MAU2: variants seen among roughly 807,000 people sequenced by gnomAD.
MAU2 encodes the protein MAU2 sister chromatid cohesion factor, also known as MAU2 chromatid cohesion factor homolog.
A neutral mutation model predicts 89.1 loss-of-function variants in MAU2; 9 were observed. The ratio of observed to expected loss-of-function variants is 0.10; its 90% CI spans 0.06 to 0.18. MAU2 has a LOEUF of 0.18. Among genes scored for constraint, MAU2 ranks in the 10% least tolerant of loss-of-function variants. MAU2 has a pLI of 1.00. For missense variants in MAU2, 425 were observed against 803.5 expected (o/e 0.53, Z 5.69); for synonymous variants, 357 against 343.4 (o/e 1.04, Z -0.44).
chr19:19,341,129 T>C (rs2061641814), intron 6 of MAU2, 123 bp from the exon 7 acceptor site: 6 of 1,218,786 alleles, frequency 4.9e-6, no homozygotes, highest in Non-Finnish European at 6.8e-6. Flanking sequence ...GGTTTCAGGC[T>C]GGCCTTGCCC....
chr19:19,338,951 C>T lies in MAU2; in HGVS notation c.551+12C>T. 1 of 1,605,014 alleles carries T rather than the reference C, an allele frequency of 6.2e-7. No homozygotes were observed. Among genetic ancestry groups the T allele is most frequent in the Non-Finnish European group, 8.5e-7 (1 of 1,175,278 alleles). ...TCTGAATACACACGGTAGGCACCCA[C>T]TCCCCTCCTTCCCTCCTGCTCTGTT... On this transcript the variant is annotated intron_variant, in intron 5 of 18. Transcript: ENST00000262815.
chr19:19,346,961 G>A, intron 12 of MAU2: 1 of 278,334 alleles, frequency 3.6e-6, no homozygotes, highest in Non-Finnish European at 6.9e-6. Flanking sequence ...GTGGCCTGGA[G>A]GAAGGGTCCA....
chr19:19,334,296 G>A (rs906084518), intron 1 of MAU2: 13 of 985,540 alleles, frequency 1.3e-5, no homozygotes, highest in Admixed American at 6.1e-5. Flanking sequence ...GGAGGCAGAC[G>A]CTTGGGCTGG....
intron 1 of MAU2, among the ~76,000 whole-genome samples, chr19:19,326,264 C>A (rs1279004593): frequency 6.6e-6 from 1 of 151,948 alleles, no homozygotes; most frequent in Non-Finnish European, 1.5e-5. Flanking sequence ...ATTAAATGTC[C>A]CCATCAGGCC....
rs532244808 is a variant in MAU2, at chr19:19,341,914, G to C, written c.735+507G>C. Among the ~76,000 whole-genome samples, 10 of 152,268 alleles carry C rather than the reference G, an allele frequency of 6.6e-5. No homozygotes were observed. The South Asian group carries it at 2.1e-3, about 32-fold the overall frequency. On this transcript the variant is annotated intron_variant, in intron 7 of 18. Transcript: ENST00000262815. Reference sequence around the variant, plus strand: ...TGTGTGACAGTCTCAGCCCTTCGGGGGCTGGGGGCTGCCCTGTGCCACTCA... The same window carrying C: ...TGTGTGACAGTCTCAGCCCTTCGGGCGCTGGGGGCTGCCCTGTGCCACTCA...
intron 16 of MAU2, 66 bp from the exon 17 acceptor site, chr19:19,354,289 A>G (rs1442108052): frequency 2.3e-6 from 3 of 1,305,922 alleles, no homozygotes; most frequent in Non-Finnish European, 2.2e-6. Flanking sequence ...CCCCACCCCA[A>G]CCTGGGCTGG....
intron 1 of MAU2, among the ~76,000 whole-genome samples, chr19:19,327,761 C>A (rs1447681020): frequency 6.6e-6 from 1 of 151,936 alleles, no homozygotes; most frequent in Non-Finnish European, 1.5e-5. Context: ...CTGCCGGCCG[C>A]CTTGTTCCCT....
At chr19:19,329,501 C>T (rs1161441173) in intron 1 of MAU2, among the ~76,000 whole-genome samples, 3 of 152,100 alleles carry the variant, frequency 2.0e-5, no homozygotes, top group African/African-American at 7.2e-5. Flanking sequence ...AGCAAGGTCT[C>T]CCTGGATCCT....
chr19:19,341,688 A>G lies in MAU2; in HGVS notation c.735+281A>G, dbSNP rs533851234. Among the ~76,000 whole-genome samples, 54 of 152,296 alleles carry G rather than the reference A, an allele frequency of 3.5e-4. 2 individuals carry two copies. In the South Asian group the frequency reaches 8.7e-3, roughly 25 times the overall value. On this transcript the variant is annotated intron_variant, in intron 7 of 18. Transcript: ENST00000262815. Reference sequence around the variant, plus strand: ...AGTGTATGGATGCTCAGAGATTCCAATGGCAGTTCAGGGAATCATGAGAAT... The same window carrying G: ...AGTGTATGGATGCTCAGAGATTCCAGTGGCAGTTCAGGGAATCATGAGAAT...
rs1015525491 is a variant in MAU2 at position 19,356,453 on chromosome 19, A to G, written c.*671A>G. ...GCCGTGGGGGTGCAGGTGATTGTAA[A>G]CACGGGTGTGCATGTGGATGCACAC... On this transcript the variant is annotated 3_prime_UTR_variant, in exon 19 of 19. Coordinates refer to ENST00000262815, the MANE Select transcript of MAU2 (RefSeq NM_015329.4). The G allele has an allele frequency of 8.3e-6, 2 of 239,536 alleles. No individual in the cohort carries two copies. The highest frequency in any genetic ancestry group is 2.3e-5 in the African/African-American group (1 of 43,998). 14.8% of individuals were successfully genotyped at this position (239,536 alleles called of 1,614,324 possible).
At chr19:19,337,313 C>T (rs769234318) in intron 4 of MAU2, 48 bp downstream of exon 4, 1 of 1,464,236 alleles carries the variant, frequency 6.8e-7, no homozygotes, top group South Asian at 1.1e-5. Context: ...GGACCATGAC[C>T]CTGGGGCACA....
rs1036899448 is a variant in MAU2 at position 19,344,663 on chromosome 19, C to T, written c.1078-186C>T. ...GAAGAGACGAGTAACAGACAAGGGTCCCTGTCCACGATGGGATCTGGGCTG... is the reference window on the plus strand; with the variant it reads ...GAAGAGACGAGTAACAGACAAGGGTTCCTGTCCACGATGGGATCTGGGCTG... On this transcript the variant is annotated intron_variant, in intron 10 of 18. Transcript: ENST00000262815. The T allele has an allele frequency of 1.5e-5, 9 of 610,024 alleles. No homozygotes were observed. The East Asian group carries it at 2.2e-4, about 15-fold the overall frequency. The allele number at this position is 610,024 out of a possible 1,614,324, so 37.8% of individuals were successfully genotyped here.
chr19:19,344,046 A>G (rs1022355702), intron 10 of MAU2, 106 bp downstream of exon 10: 1 of 870,772 alleles, frequency 1.1e-6, no homozygotes, highest in African/African-American at 1.7e-5. Context: ...AGGCCAGCCC[A>G]TCCTGCTGTC....
At chr19:19,323,783 G>A (rs1021770538) in intron 1 of MAU2, among the ~76,000 whole-genome samples, 17 of 152,162 alleles carry the variant, frequency 1.1e-4, no homozygotes, top group African/African-American at 4.1e-4. Context: ...TGTGCCCAGC[G>A]TGGAAGGCAA....
intron 2 of MAU2, 91 bp downstream of exon 2, chr19:19,335,826 T>A (rs1201518184): frequency 3.4e-6 from 5 of 1,457,430 alleles, no homozygotes; most frequent in Admixed American, 1.7e-5. Context: ...CCTCCCGACA[T>A]GCCCTGTGAG....
At chr19:19,351,129 C>A (rs1490571837) in intron 16 of MAU2, among the ~76,000 whole-genome samples, 4 of 151,442 alleles carry the variant, frequency 2.6e-5, no homozygotes, top group Non-Finnish European at 5.9e-5. Flanking sequence ...CTCGTGGTAA[C>A]CTTCACCCCC....
In MAU2 at chr19:19,345,999, G is replaced by T. The variant is rs1433224888; in HGVS notation, c.1221+630G>T. Among the ~76,000 whole-genome samples the T allele has an allele frequency of 6.6e-6, 1 of 152,126 alleles. No homozygotes were observed. Among genetic ancestry groups the T allele is most frequent in the Non-Finnish European group, 1.5e-5 (1 of 68,012 alleles). On this transcript the variant is annotated intron_variant, in intron 12 of 18. Transcript: ENST00000262815. The surrounding 1 kb of genome is among the most constrained non-coding windows in gnomAD (Gnocchi z 4.9). The stretch of plus-strand genomic sequence containing the variant: ...CCTTTTTCCTGGTGGTGCCAGGAAG[G>T]GCCCTGAGGAGAGGTGTCAGGGAGC...
chr19:19,355,418 G>T (rs777716876), intron 18 of MAU2, 27 bp downstream of exon 18: 1 of 1,612,742 alleles, frequency 6.2e-7, no homozygotes, highest in South Asian at 1.1e-5. Flanking sequence ...TAGGGGACGG[G>T]ATCAGGACTA....
At position 19,355,891 on chromosome 19, in the gene MAU2, A is replaced by G; in HGVS notation, c.*109A>G. ...GTGCTTCCTTCCTGATTGTCTCTAG[A>G]GCTTCCAAGTCCTGGGAATGTGCGG... On this transcript the variant is annotated 3_prime_UTR_variant, in exon 19 of 19. Coordinates refer to ENST00000262815, the MANE Select transcript of MAU2 (RefSeq NM_015329.4). The G allele has an allele frequency of 2.8e-6, 3 of 1,079,902 alleles. No homozygotes were observed. Among genetic ancestry groups the G allele is most frequent in the Non-Finnish European group, 4.2e-6 (3 of 711,940 alleles). The allele number at this position is 1,079,902 out of a possible 1,614,324, so 66.9% of individuals were successfully genotyped here.
Sources: allele counts gnomAD v4.1 joint callset (sites outside exome capture counted in the v4.1 genomes callset), GRCh38; gene constraint gnomAD v4.1.1; non-coding constraint Gnocchi (gnomAD v3.1); transcripts MANE v1.5; gene names NCBI Gene and HGNC (gene_info 2026-07-23, HGNC 2026-07-21).